ERC2: variants seen among roughly 807,000 people sequenced by gnomAD.
The protein encoded by ERC2 is ERC protein 2.
In ERC2, 42 loss-of-function variants were observed where a neutral mutation model predicts 114.8. The observed-to-expected ratio is 0.37, with a 90% CI of 0.29 to 0.47. The LOEUF is 0.47. ERC2 is among the 20% of genes least tolerant of loss of function. ERC2 has a pLI of 0.99. For missense variants in ERC2, 939 were observed against 1,150.7 expected (o/e 0.82, Z 2.66); for synonymous variants, 454 against 425.5 (o/e 1.07, Z -0.82).
chr3:55,596,403 G>A (rs2058137296), intron 17 of ERC2, among the ~76,000 whole-genome samples: 1 of 151,868 alleles, frequency 6.6e-6, no homozygotes, highest in Admixed American at 6.6e-5. Flanking sequence ...GCAACATAGT[G>A]AGACCCCATC....
chr3:55,614,789 G>T (rs570877753), intron 17 of ERC2, among the ~76,000 whole-genome samples: 1 of 152,126 alleles, frequency 6.6e-6, no homozygotes, highest in Non-Finnish European at 1.5e-5. Flanking sequence ...GGGAAAAAAC[G>T]TTGAGTGACT....
At chr3:55,723,778 C>T (rs2064733638) in intron 15 of ERC2, among the ~76,000 whole-genome samples, 1 of 152,188 alleles carries the variant, frequency 6.6e-6, no homozygotes, top group Admixed American at 6.5e-5. Context: ...GTGTGCACCA[C>T]AATGGTGATC....
intron 11 of ERC2, among the ~76,000 whole-genome samples, chr3:55,991,831 C>G (rs141479159): frequency 6.6e-6 from 1 of 152,218 alleles, no homozygotes; most frequent in Non-Finnish European, 1.5e-5. Flanking sequence ...AAGTTGACCA[C>G]TATTTTCTTC....
At chr3:56,148,621 G>A (rs550598033) in intron 5 of ERC2, among the ~76,000 whole-genome samples, 25 of 152,230 alleles carry the variant, frequency 1.6e-4, no homozygotes, top group South Asian at 6.2e-4. Flanking sequence ...TCTAGGAGAG[G>A]CAAGAAATTT....
At chr3:56,307,792 G>A (rs1019985957) in intron 2 of ERC2, among the ~76,000 whole-genome samples, 1 of 151,084 alleles carries the variant, frequency 6.6e-6, no homozygotes, top group East Asian at 1.9e-4. Context: ...CTATTGTCAT[G>A]TATCATATAA....
intron 3 of ERC2, among the ~76,000 whole-genome samples, chr3:56,294,845 C>G (rs1414728558): frequency 6.6e-6 from 1 of 152,182 alleles, no homozygotes; most frequent in African/African-American, 2.4e-5. Flanking sequence ...CAAAACATCT[C>G]TTTAAGCTTT....
chr3:56,161,402 G>A (rs1338635092), intron 4 of ERC2, among the ~76,000 whole-genome samples: 2 of 152,198 alleles, frequency 1.3e-5, no homozygotes, highest in Non-Finnish European at 2.9e-5. Context: ...GGTTCCATAT[G>A]AAGTTTAGAA....
chr3:55,825,937 A>T (rs1206696805), intron 14 of ERC2, among the ~76,000 whole-genome samples: 2 of 151,298 alleles, frequency 1.3e-5, no homozygotes, highest in Non-Finnish European at 2.9e-5. Flanking sequence ...GTTAAAAAAA[A>T]TTAAAAACAA....
chr3:55,726,294 G>A (rs1184298639), intron 15 of ERC2, among the ~76,000 whole-genome samples: 1 of 152,168 alleles, frequency 6.6e-6, no homozygotes, highest in African/African-American at 2.4e-5. Flanking sequence ...GGAGGCTATG[G>A]GAACCCTACT....
At chr3:55,888,312 TTCTCTAGCCCTTCCCCTTTCCCAC>T in intron 14 of ERC2, 53 bp downstream of exon 14, 1 of 1,477,658 alleles carries the variant, frequency 6.8e-7, no homozygotes, top group Non-Finnish European at 9.1e-7. Context: ...TTTCTTCATC[TTCTCTAGCCCTTCCCCTTTCCCAC>T]TCTCAAGAGA....
chr3:56,043,207 A>C (rs2075286005), intron 7 of ERC2, among the ~76,000 whole-genome samples: 1 of 152,184 alleles, frequency 6.6e-6, no homozygotes, highest in African/African-American at 2.4e-5. Context: ...AAAAACCTGA[A>C]GACCTATCAA....
intron 17 of ERC2, among the ~76,000 whole-genome samples, chr3:55,619,018 A>T (rs141414164): frequency 2.6e-5 from 4 of 152,286 alleles, no homozygotes; most frequent in African/African-American, 9.6e-5. Flanking sequence ...TAAAACCACA[A>T]GTGGGCTCAA....
At chr3:56,358,572 C>T (rs1370185204) in intron 2 of ERC2, among the ~76,000 whole-genome samples, 1 of 152,238 alleles carries the variant, frequency 6.6e-6, no homozygotes, top group Non-Finnish European at 1.5e-5. Flanking sequence ...ACTGACCACA[C>T]ATAGCTTGGT....
intron 2 of ERC2, among the ~76,000 whole-genome samples, chr3:56,303,636 G>A (rs1378203184): frequency 1.3e-5 from 2 of 152,212 alleles, no homozygotes; most frequent in African/African-American, 4.8e-5. Context: ...GGTTGTGGGA[G>A]AGAGCACTCT....
chr3:55,786,509 C>G (rs2069504711), intron 14 of ERC2, among the ~76,000 whole-genome samples: 1 of 152,202 alleles, frequency 6.6e-6, no homozygotes, highest in African/African-American at 2.4e-5. Context: ...ATAATTGTAT[C>G]TACAGTGTTG....
At chr3:55,808,140 T>G (rs907907891) in intron 14 of ERC2, among the ~76,000 whole-genome samples, 2 of 152,090 alleles carry the variant, frequency 1.3e-5, no homozygotes, top group Admixed American at 6.6e-5. Context: ...AACTCCCCTC[T>G]AAGTAAGTGG....
intron 14 of ERC2, among the ~76,000 whole-genome samples, chr3:55,820,706 C>A (rs1238516457): frequency 1.3e-5 from 2 of 152,142 alleles, no homozygotes; most frequent in Non-Finnish European, 2.9e-5. Flanking sequence ...GGCAGGGCAC[C>A]AGATAGGTCA....
chr3:55,786,265 A>T (rs1054255309), intron 14 of ERC2, among the ~76,000 whole-genome samples: 3 of 152,196 alleles, frequency 2.0e-5, no homozygotes, highest in Non-Finnish European at 4.4e-5. Flanking sequence ...TGGCTTAACT[A>T]TATATTTTAG....
intron 17 of ERC2, among the ~76,000 whole-genome samples, chr3:55,563,800 G>A (rs1184671125): frequency 6.6e-6 from 1 of 152,208 alleles, no homozygotes; most frequent in African/African-American, 2.4e-5. Flanking sequence ...GAGGCAGAGA[G>A]ATCTGAGAAC....
Sources: allele counts gnomAD v4.1 joint callset (sites outside exome capture counted in the v4.1 genomes callset), GRCh38; gene constraint gnomAD v4.1.1; transcripts MANE v1.5; gene names NCBI Gene and HGNC (gene_info 2026-07-23, HGNC 2026-07-21).